The following CCDC171 variants were observed in gnomAD, a reference collection of about 807,000 sequenced individuals.
The protein encoded by CCDC171 is coiled-coil domain-containing protein 171.
CCDC171 carries 177 observed loss-of-function variants against 168.2 expected under a neutral mutation model. The ratio of observed to expected loss-of-function variants is 1.05; its 90% confidence interval spans 0.93 to 1.19. The LOEUF (loss-of-function observed/expected upper bound fraction) is 1.19, where lower values mean the gene tolerates loss of function less well. Ranked by LOEUF, CCDC171 falls within the 50% of genes most tolerant of loss-of-function variation. CCDC171 has a pLI of 0.00. For synonymous variants in CCDC171, 687 were observed against 540.8 expected, an observed-to-expected ratio of 1.27 and a Z score of -3.75; for missense variants, 1,991 against 1,539.0, an observed-to-expected ratio of 1.29 and a Z score of -4.91.
chr9:15,637,139 C>G (rs2046261137), intron 7 of CCDC171, among the ~76,000 whole-genome samples: 1 of 152,032 alleles, frequency 6.6e-6, no homozygotes, highest in Non-Finnish European at 1.5e-5. Context: ...GCCTGTAATC[C>G]TAGCTGCTCT....
the CCDC171 span, among the ~76,000 whole-genome samples, chr9:16,078,484 G>A: frequency 1.3e-5 from 2 of 152,214 alleles, no homozygotes; most frequent in Non-Finnish European, 2.9e-5. Flanking sequence ...ACATGGCTTG[G>A]TTAAGAGTGA....
chr9:15,664,565 T>TACACACACACACACACACACACAC (rs1423756698), intron 8 of CCDC171, among the ~76,000 whole-genome samples: 1 of 4,940 alleles, frequency 2.0e-4, no homozygotes, highest in African/African-American at 5.7e-4. Context: ...CCCTTAAATT[T>TACACACACACACACACACACACAC]ATACACACAC....
intron 25 of CCDC171, among the ~76,000 whole-genome samples, chr9:15,952,751 G>A (rs1244348190): frequency 1.3e-5 from 2 of 152,058 alleles, no homozygotes; most frequent in African/African-American, 2.4e-5. Flanking sequence ...GGAGTGCATC[G>A]ACTCTGTAGA....
At chr9:15,977,820 G>A (rs1159434581), downstream of CCDC171, among the ~76,000 whole-genome samples, 1 of 152,168 alleles carries the variant, frequency 6.6e-6, no homozygotes, top group Non-Finnish European at 1.5e-5. Context: ...AGAATATAAG[G>A]TGACCTGTCT....
intron 4 of CCDC171, among the ~76,000 whole-genome samples, chr9:16,021,713 G>C (rs1200708423): frequency 6.6e-6 from 1 of 152,194 alleles, no homozygotes; most frequent in Non-Finnish European, 1.5e-5. Context: ...TTCAATAAAT[G>C]ATAGCTGTTA....
chr9:15,827,326 CT>C (rs1176026213), intron 21 of CCDC171, among the ~76,000 whole-genome samples: 17 of 152,064 alleles, frequency 1.1e-4, no homozygotes, highest in Non-Finnish European at 1.5e-4. Flanking sequence ...TAATTAATTT[CT>C]ATCTTCTACA....
At chr9:15,857,374 G>A (rs1233560889) in intron 23 of CCDC171, among the ~76,000 whole-genome samples, 6 of 151,884 alleles carry the variant, frequency 4.0e-5, no homozygotes, top group African/African-American at 1.2e-4. Flanking sequence ...TTATGTTTAA[G>A]TCTTTAATCC....
intron 25 of CCDC171, among the ~76,000 whole-genome samples, chr9:15,929,900 C>T (rs1466504155): frequency 1.3e-5 from 2 of 151,872 alleles, no homozygotes; most frequent in South Asian, 2.1e-4. Flanking sequence ...GACATTCTGG[C>T]ATATTCTGAC....
chr9:16,101,120 C>T, the CCDC171 span, among the ~76,000 whole-genome samples: 32 of 152,086 alleles, frequency 2.1e-4, no homozygotes, highest in Non-Finnish European at 3.5e-4. Flanking sequence ...ACCAAAGGGC[C>T]CCCAGCTGAA....
intron 24 of CCDC171, among the ~76,000 whole-genome samples, chr9:15,902,799 C>T (rs543851047): frequency 1.1e-4 from 16 of 152,264 alleles, no homozygotes; most frequent in South Asian, 4.1e-4. Flanking sequence ...AAAGGGGTGA[C>T]GGACGGCACC....
At chr9:15,826,571 C>G (rs1380077928) in intron 21 of CCDC171, among the ~76,000 whole-genome samples, 1 of 152,162 alleles carries the variant, frequency 6.6e-6, no homozygotes, top group Non-Finnish European at 1.5e-5. Context: ...TGTTGGAAAC[C>G]AGCCATCATT....
intron 7 of CCDC171, among the ~76,000 whole-genome samples, chr9:15,644,114 A>G (rs982750565): frequency 6.6e-6 from 1 of 152,158 alleles, no homozygotes; most frequent in African/African-American, 2.4e-5. Flanking sequence ...GTCATATGGT[A>G]ACTCTATGTT....
intron 10 of CCDC171, among the ~76,000 whole-genome samples, chr9:15,693,722 T>C (rs914275596): frequency 1.3e-5 from 2 of 152,162 alleles, no homozygotes; most frequent in African/African-American, 4.8e-5. Context: ...TCTTATAATA[T>C]CTATTCTTCC....
At chr9:15,879,812 C>CT (rs949466609) in intron 24 of CCDC171, among the ~76,000 whole-genome samples, 14 of 152,120 alleles carry the variant, frequency 9.2e-5, no homozygotes, top group Admixed American at 9.2e-4. Context: ...TCATTATTCT[C>CT]TTTTTTCCCC....
intron 6 of CCDC171, among the ~76,000 whole-genome samples, chr9:15,613,832 C>G (rs2043889938): frequency 6.6e-6 from 1 of 152,110 alleles, no homozygotes; most frequent in Non-Finnish European, 1.5e-5. Flanking sequence ...CCTTGATTTG[C>G]ATTTTTCTAA....
At chr9:15,721,595 A>G (rs7854046) in intron 11 of CCDC171, among the ~76,000 whole-genome samples, 174 bp from the exon 12 acceptor site, 3,521 of 146,492 alleles carry the variant, frequency 0.024, 116 homozygotes, top group African/African-American at 0.082. Context: ...TACTTGGAGA[A>G]TAAAATTCTA....
chr9:15,633,083 A>G (rs1230386057), intron 7 of CCDC171, among the ~76,000 whole-genome samples: 1 of 152,224 alleles, frequency 6.6e-6, no homozygotes, highest in Admixed American at 6.5e-5. Flanking sequence ...AGGAAAACCT[A>G]GGCATTAGCA....
chr9:16,054,276 G>A (rs1209244198), intron 1 of CCDC171, among the ~76,000 whole-genome samples: 2 of 152,278 alleles, frequency 1.3e-5, no homozygotes, highest in African/African-American at 2.4e-5. Flanking sequence ...ATTAGTAGGG[G>A]GAAAGATACA....
At chr9:15,840,081 G>A (rs1463446022) in intron 21 of CCDC171, among the ~76,000 whole-genome samples, 3 of 152,090 alleles carry the variant, frequency 2.0e-5, no homozygotes, top group South Asian at 2.1e-4. Context: ...TTTAAATTCT[G>A]TAGTACAGTG....
Sources: allele counts gnomAD v4.1 joint callset (sites outside exome capture counted in the v4.1 genomes callset), GRCh38; gene constraint gnomAD v4.1.1; transcripts MANE v1.5; gene names NCBI Gene and HGNC (gene_info 2026-07-23, HGNC 2026-07-21).